Variants in HHAT observed in about 807,000 individuals in gnomAD.
HHAT encodes the protein protein-cysteine N-palmitoyltransferase HHAT.
A neutral mutation model predicts 70.8 loss-of-function variants in HHAT; 47 were observed. The observed-to-expected ratio is 0.66, with a 90% CI of 0.53 to 0.85. The LOEUF (loss-of-function observed/expected upper bound fraction) is 0.85. Among genes scored for constraint, HHAT ranks in the 40% least tolerant of loss-of-function variants. The probability of loss-of-function intolerance (pLI) is 0.00; values close to 1 mark genes in which losing one functional copy is unlikely to be tolerated. For synonymous variants in HHAT, 228 were observed against 247.6 expected (o/e 0.92, Z 0.74); for missense variants, 609 against 604.8 (o/e 1.01, Z -0.07).
At chr1:210,415,232 G>A (rs754077932) in intron 6 of HHAT, among the ~76,000 whole-genome samples, 17 of 152,062 alleles carry the variant, frequency 1.1e-4, no homozygotes, top group Non-Finnish European at 2.1e-4. Flanking sequence ...TTAACTTCTC[G>A]TTTATTAAAA....
chr1:210,434,781 G>A (rs1403685330), intron 7 of HHAT, among the ~76,000 whole-genome samples: 1 of 151,784 alleles, frequency 6.6e-6, no homozygotes, highest in Non-Finnish European at 1.5e-5. Context: ...AAATTTACAT[G>A]TAAATGCATT....
At chr1:210,336,798 A>G (rs540331918) in intron 1 of HHAT, among the ~76,000 whole-genome samples, 113 of 152,276 alleles carry the variant, frequency 7.4e-4, no homozygotes, top group African/African-American at 1.5e-3. Flanking sequence ...AAAATAAAAA[A>G]TAAGAAAAAG....
chr1:210,566,678 G>A (rs549176905), intron 9 of HHAT, among the ~76,000 whole-genome samples: 1 of 152,058 alleles, frequency 6.6e-6, no homozygotes, highest in Non-Finnish European at 1.5e-5. Flanking sequence ...GCCGCTAGAT[G>A]GCCAGACTCC....
intron 9 of HHAT, among the ~76,000 whole-genome samples, chr1:210,551,641 T>C (rs1161490391): frequency 6.6e-6 from 1 of 152,224 alleles, no homozygotes; most frequent in Non-Finnish European, 1.5e-5. Context: ...ATTGGAACGG[T>C]TCTTTTTTAA....
intron 9 of HHAT, among the ~76,000 whole-genome samples, chr1:210,546,382 C>CT (rs2095483799): frequency 6.6e-6 from 1 of 152,170 alleles, no homozygotes; most frequent in Admixed American, 6.5e-5. Flanking sequence ...AGGGGCTGGA[C>CT]TTGAAGGTTG....
intron 7 of HHAT, among the ~76,000 whole-genome samples, chr1:210,453,352 C>T (rs979606243): frequency 2.0e-5 from 3 of 152,158 alleles, no homozygotes; most frequent in African/African-American, 7.2e-5. Context: ...GGATTTACTA[C>T]TCTGGAACTT....
intron 8 of HHAT, among the ~76,000 whole-genome samples, chr1:210,498,000 C>T (rs1393182064): frequency 6.6e-6 from 1 of 152,002 alleles, no homozygotes; most frequent in East Asian, 1.9e-4. Context: ...TGTGATCCGC[C>T]CGCCTTGGCC....
Position 210,491,834 on chromosome 1 carries a change from C to T in HHAT, c.1008-21319C>T, listed in dbSNP as rs958563388. Among the ~76,000 whole-genome samples, 4 of 152,184 alleles carry T rather than the reference C, an allele frequency of 2.6e-5. No individual in the cohort carries two copies. In the South Asian group the frequency reaches 8.3e-4, roughly 31 times the overall value. On this transcript the variant is annotated intron_variant, in intron 8 of 11. Transcript: ENST00000261458. ...GTGGAGTGCAGTGGCCCGATCTCAG[C>T]TCACTGCAACCTCCACCTCCTGGGT...
intron 7 of HHAT, among the ~76,000 whole-genome samples, chr1:210,455,200 G>A (rs563718169): frequency 6.6e-6 from 1 of 152,264 alleles, no homozygotes; most frequent in Non-Finnish European, 1.5e-5. Context: ...CTGTCTTCTT[G>A]TCCCTGTCTT....
intron 8 of HHAT, among the ~76,000 whole-genome samples, chr1:210,506,047 G>A (rs928291563): frequency 6.6e-6 from 1 of 152,180 alleles, no homozygotes; most frequent in Non-Finnish European, 1.5e-5. Context: ...CGGTGTGTGG[G>A]CCCCACCCCT....
At chr1:210,362,246 T>G (rs1339376745) in intron 2 of HHAT, among the ~76,000 whole-genome samples, 1 of 120,044 alleles carries the variant, frequency 8.3e-6, no homozygotes, top group Non-Finnish European at 2.0e-5. Context: ...CTTTTTTTTT[T>G]TTTTCTTTTC....
chr1:210,610,487 T>A (rs1371779636), intron 10 of HHAT, among the ~76,000 whole-genome samples: 2 of 152,234 alleles, frequency 1.3e-5, no homozygotes, highest in Non-Finnish European at 2.9e-5. Context: ...ACTCTGATAG[T>A]TTATTTTGCT....
intron 9 of HHAT, among the ~76,000 whole-genome samples, chr1:210,579,507 C>T (rs1182333087): frequency 1.3e-5 from 2 of 150,684 alleles, no homozygotes; most frequent in African/African-American, 4.9e-5. Context: ...ATACTGTGTT[C>T]TTGCCATGAT....
intron 10 of HHAT, among the ~76,000 whole-genome samples, chr1:210,597,095 A>G (rs1002595050): frequency 6.6e-6 from 1 of 152,212 alleles, no homozygotes; most frequent in Admixed American, 6.5e-5. Context: ...TAGAAGTACT[A>G]TCTTGGTTAT....
intron 10 of HHAT, chr1:210,589,188 C>T (rs1392145626): frequency 1.3e-5 from 2 of 152,112 alleles, no homozygotes; most frequent in Non-Finnish European, 2.9e-5. Flanking sequence ...AAAGCAAATG[C>T]ACTTTAAAAA....
At chr1:210,597,431 T>G (rs1663251873) in intron 10 of HHAT, among the ~76,000 whole-genome samples, 1 of 152,196 alleles carries the variant, frequency 6.6e-6, no homozygotes, top group Non-Finnish European at 1.5e-5. Flanking sequence ...GGGTTCCTCC[T>G]GGTCCTGGGT....
chr1:210,543,334 G>A (rs2095449522), intron 9 of HHAT, among the ~76,000 whole-genome samples: 1 of 149,004 alleles, frequency 6.7e-6, no homozygotes, highest in African/African-American at 2.5e-5. Context: ...AATTAATAAT[G>A]CTCCAGGGTG....
chr1:210,618,888 A>AGTTTGAC (rs1228906798), intron 10 of HHAT, among the ~76,000 whole-genome samples: 1 of 152,204 alleles, frequency 6.6e-6, no homozygotes, highest in Non-Finnish European at 1.5e-5. Context: ...AGTACAAACG[A>AGTTTGAC]GTTTGACGTA....
chr1:210,329,952 G>T (rs912297917), intron 1 of HHAT, among the ~76,000 whole-genome samples: 6 of 152,098 alleles, frequency 3.9e-5, no homozygotes, highest in African/African-American at 1.4e-4. Flanking sequence ...TCACCGTGTT[G>T]GCCAGGCTGG....
Sources: gnomAD v4.1 joint callset for allele counts (sites outside exome capture counted in the v4.1 genomes callset) on GRCh38, gnomAD v4.1.1 for gene constraint, MANE v1.5 for transcripts, NCBI Gene and HGNC (gene_info 2026-07-23, HGNC 2026-07-21) for gene names.